Variants in NPAS3 observed in about 807,000 individuals in gnomAD.
NPAS3 encodes the protein neuronal PAS domain-containing protein 3.
In NPAS3, 14 loss-of-function variants were observed where a neutral mutation model predicts 73.1. The observed-to-expected ratio is 0.19, with a 90% CI of 0.13 to 0.30. The LOEUF is 0.30. Ranked by LOEUF, NPAS3 falls within the 10% of genes least tolerant of loss-of-function variation. NPAS3 has a pLI of 1.00. For missense variants in NPAS3, 1,096 were observed against 1,250.0 expected (o/e 0.88, Z 1.86); for synonymous variants, 620 against 541.5 (o/e 1.14, Z -2.01).
At chr14:33,166,276 C>T (rs1013457303) in intron 2 of NPAS3, among the ~76,000 whole-genome samples, 7 of 152,222 alleles carry the variant, frequency 4.6e-5, no homozygotes, top group African/African-American at 1.7e-4. Flanking sequence ...CTTACCTGTT[C>T]TGTGGGCATC....
intron 5 of NPAS3, among the ~76,000 whole-genome samples, chr14:33,658,503 A>G (rs565677301): frequency 9.2e-5 from 14 of 152,308 alleles, no homozygotes; most frequent in African/African-American, 2.2e-4. Context: ...ACTTCCATCA[A>G]TAAAACACGT....
intron 6 of NPAS3, among the ~76,000 whole-genome samples, chr14:33,682,671 A>G (rs529928760): frequency 1.3e-5 from 2 of 152,354 alleles, no homozygotes; most frequent in Non-Finnish European, 2.9e-5. Context: ...GAACTGCCAC[A>G]GAAGGGAAAA....
chr14:33,447,364 C>T lies in NPAS3; in HGVS notation c.468+80096C>T, dbSNP rs12590881. Among the ~76,000 whole-genome samples the T allele has an allele frequency of 3.9e-4, 59 of 152,164 alleles. 1 individual carries two copies. In the East Asian group the frequency reaches 0.01, roughly 26 times the overall value. ...TTTGTGTGTGTGCTATGAGAGTGTG[C>T]GTGTGCTGTGAGTGTGTGTGTGGGC... On this transcript the variant is annotated intron_variant, in intron 4 of 11. Coordinates refer to ENST00000356141, the Ensembl canonical transcript of NPAS3.
At chr14:33,016,526 A>G (rs1010088782) in intron 1 of NPAS3, among the ~76,000 whole-genome samples, 7 of 151,928 alleles carry the variant, frequency 4.6e-5, no homozygotes, top group African/African-American at 1.5e-4. Flanking sequence ...GTGGTTGTCT[A>G]AGCATCACAC....
At chr14:33,533,380 A>G (rs184910075) in intron 4 of NPAS3, among the ~76,000 whole-genome samples, 1 of 152,198 alleles carries the variant, frequency 6.6e-6, no homozygotes, top group Admixed American at 6.6e-5. Context: ...AGAAATGACC[A>G]AACAATACAT....
intron 2 of NPAS3, among the ~76,000 whole-genome samples, chr14:33,114,648 C>A (rs1350107449): frequency 1.3e-5 from 2 of 152,128 alleles, no homozygotes; most frequent in African/African-American, 4.8e-5. Context: ...TTACTTAATG[C>A]TGCAGCAATG....
At chr14:33,560,658 A>AG (rs145755403) in intron 5 of NPAS3, among the ~76,000 whole-genome samples, 4,728 of 152,192 alleles carry the variant, frequency 0.031, 241 homozygotes, top group African/African-American at 0.1. Context: ...AATGCGTTGC[A>AG]GGGAGGGTTC....
At chr14:33,001,735 ATAG>A (rs1270365875) in intron 1 of NPAS3, among the ~76,000 whole-genome samples, 1 of 152,166 alleles carries the variant, frequency 6.6e-6, no homozygotes, top group Non-Finnish European at 1.5e-5. Flanking sequence ...TGGCATTGGT[ATAG>A]TAAGTCCCTA....
intron 4 of NPAS3, among the ~76,000 whole-genome samples, chr14:33,383,295 G>C (rs1254691461): frequency 1.3e-5 from 2 of 152,088 alleles, no homozygotes; most frequent in African/African-American, 4.8e-5. Flanking sequence ...CAGTGCCTTT[G>C]TAGAATTGAC....
At chr14:33,157,180 A>G (rs1369949995) in intron 2 of NPAS3, among the ~76,000 whole-genome samples, 1 of 152,248 alleles carries the variant, frequency 6.6e-6, no homozygotes, top group Non-Finnish European at 1.5e-5. Context: ...TGAGCAAACA[A>G]AAGTTTGTTA....
intron 5 of NPAS3, among the ~76,000 whole-genome samples, chr14:33,644,502 C>T (rs1723018450): frequency 6.6e-6 from 1 of 152,172 alleles, no homozygotes; most frequent in African/African-American, 2.4e-5. Context: ...GTGTCCTTCC[C>T]TTATCCTCAG....
intron 3 of NPAS3, among the ~76,000 whole-genome samples, chr14:33,303,433 T>TA (rs34982766): frequency 0.24 from 35,282 of 149,462 alleles, 4,176 homozygotes; most frequent in Admixed American, 0.27. Context: ...TTATTCACAC[T>TA]AAAAAAAAAA....
intron 4 of NPAS3, among the ~76,000 whole-genome samples, chr14:33,443,449 G>C (rs2049340941): frequency 6.6e-6 from 1 of 152,072 alleles, no homozygotes; most frequent in African/African-American, 2.4e-5. Context: ...GGTAACTACT[G>C]TCCCCAGCAG....
At chr14:33,638,455 C>A (rs1424225665) in intron 5 of NPAS3, among the ~76,000 whole-genome samples, 2 of 152,206 alleles carry the variant, frequency 1.3e-5, no homozygotes, top group African/African-American at 4.8e-5. Context: ...TTTAACCTCT[C>A]TCTTCTTAGT....
chr14:33,600,547 C>A (rs1472254413), intron 5 of NPAS3, among the ~76,000 whole-genome samples: 1 of 151,988 alleles, frequency 6.6e-6, no homozygotes, highest in Non-Finnish European at 1.5e-5. Context: ...AATAAAGAAC[C>A]ATGTAGAGCA....
intron 5 of NPAS3, among the ~76,000 whole-genome samples, chr14:33,621,308 C>T (rs1027973662): frequency 3.3e-5 from 5 of 152,082 alleles, no homozygotes; most frequent in Admixed American, 2.0e-4. Flanking sequence ...AATTTTTGAA[C>T]ATCTAAACTG....
At chr14:32,942,591 A>G (rs1351595398) in intron 1 of NPAS3, among the ~76,000 whole-genome samples, 1 of 152,202 alleles carries the variant, frequency 6.6e-6, no homozygotes, top group African/African-American at 2.4e-5. Context: ...ATGTATAACC[A>G]AAAAAATTAG....
At position 33,016,336 on chromosome 14, in the gene NPAS3, A is replaced by G. The variant is rs529814666; in HGVS notation, c.51-39569A>G. Among the ~76,000 whole-genome samples the G allele has an allele frequency of 2.0e-5, 3 of 152,254 alleles. No individual in the cohort carries two copies. In the East Asian group the frequency reaches 5.8e-4, roughly 29 times the overall value. ...CCATGGTAGATAATCTAAAAATGTG[A>G]TATGTGAAATTCCATGACTTAAGAC... On this transcript the variant is annotated intron_variant, in intron 1 of 11. Coordinates refer to ENST00000356141, the Ensembl canonical transcript of NPAS3.
intron 4 of NPAS3, among the ~76,000 whole-genome samples, chr14:33,401,377 C>A (rs973742395): frequency 6.6e-6 from 1 of 152,138 alleles, no homozygotes; most frequent in African/African-American, 2.4e-5. Context: ...ATATAGCCAT[C>A]TTATTTCCAG....
Sources: gnomAD v4.1 joint callset for allele counts (sites outside exome capture counted in the v4.1 genomes callset) on GRCh38, gnomAD v4.1.1 for gene constraint, MANE v1.5 for transcripts, NCBI Gene and HGNC (gene_info 2026-07-23, HGNC 2026-07-21) for gene names.